Variants in ZC3H12B observed in about 807,000 individuals in gnomAD.
ZC3H12B encodes the protein probable ribonuclease ZC3H12B.
ZC3H12B carries 7 observed loss-of-function variants against 43.9 expected under a neutral mutation model. The observed-to-expected ratio is 0.16, with a 90% confidence interval of 0.09 to 0.30. The LOEUF (loss-of-function observed/expected upper bound fraction) is 0.30. Ranked by LOEUF, ZC3H12B falls within the 10% of genes least tolerant of loss-of-function variation. The pLI is 1.00. For missense variants in ZC3H12B, 475 were observed against 670.2 expected, an observed-to-expected ratio of 0.71 and a Z score of 3.22; for synonymous variants, 222 against 241.7, an observed-to-expected ratio of 0.92 and a Z score of 0.76.
chrX:65,387,094 GT>G (rs1328864622), intron 2 of ZC3H12B, among the ~76,000 whole-genome samples: 84 of 111,929 alleles, frequency 7.5e-4, no homozygotes, highest in African/African-American at 2.4e-3. Flanking sequence ...AATAAGTGCA[GT>G]GTGGTGCTGA....
chrX:65,174,105 C>T, the ZC3H12B span, among the ~76,000 whole-genome samples: 1 of 111,232 alleles, frequency 9.0e-6, no homozygotes, highest in Non-Finnish European at 1.9e-5. Context: ...CCTGCTCCAT[C>T]CTCTGGAATC....
chrX:65,194,691 T>A, the ZC3H12B span, among the ~76,000 whole-genome samples: 1 of 112,192 alleles, frequency 8.9e-6, no homozygotes, highest in African/African-American at 3.2e-5. Context: ...TTAGGTCTTT[T>A]TAGTCGATAG....
At chrX:65,304,224 A>G in the ZC3H12B span, among the ~76,000 whole-genome samples, 517 of 112,174 alleles carry the variant, frequency 4.6e-3, 2 homozygotes, top group Middle Eastern at 9.2e-3. Flanking sequence ...TTACATACAT[A>G]CATATCAATT....
chrX:65,347,326 A>T, the ZC3H12B span, among the ~76,000 whole-genome samples: 1 of 111,666 alleles, frequency 9.0e-6, no homozygotes, highest in Non-Finnish European at 1.9e-5. Context: ...AACCACAAAG[A>T]TGGGGAGAAA....
the ZC3H12B span, among the ~76,000 whole-genome samples, chrX:65,114,863 T>C: frequency 9.3e-6 from 1 of 107,722 alleles, no homozygotes; most frequent in Admixed American, 1.0e-4. Flanking sequence ...TTTTGACTTA[T>C]TCAGTTAGTG....
At chrX:65,096,042 A>G in the ZC3H12B span, among the ~76,000 whole-genome samples, 3 of 111,852 alleles carry the variant, frequency 2.7e-5, no homozygotes, top group Non-Finnish European at 3.8e-5. Context: ...CAAAGCAAGC[A>G]TCAGCACCAT....
At chrX:65,415,648 G>C (rs896660919) in intron 3 of ZC3H12B, among the ~76,000 whole-genome samples, 5 of 111,945 alleles carry the variant, frequency 4.5e-5, no homozygotes, top group Non-Finnish European at 9.4e-5. Flanking sequence ...GCCTGAACTA[G>C]TTTTTCAGGT....
chrX:65,242,857 G>A, the ZC3H12B span, among the ~76,000 whole-genome samples: 4 of 112,123 alleles, frequency 3.6e-5, no homozygotes, highest in South Asian at 3.7e-4. Context: ...TTTGCCAAAG[G>A]TTTCAAGAAC....
At chrX:65,289,039 G>A in the ZC3H12B span, among the ~76,000 whole-genome samples, 1 of 110,221 alleles carries the variant, frequency 9.1e-6, no homozygotes, top group African/African-American at 3.3e-5. Context: ...AATATAGGAG[G>A]TAAAATATCT....
the ZC3H12B span, among the ~76,000 whole-genome samples, chrX:65,161,575 G>A: frequency 9.0e-6 from 1 of 111,345 alleles, no homozygotes; most frequent in Non-Finnish European, 1.9e-5. Flanking sequence ...TCAGAGACTA[G>A]GATTGCAACC....
At chrX:65,234,829 T>G in the ZC3H12B span, among the ~76,000 whole-genome samples, 20,598 of 110,986 alleles carry the variant, frequency 0.19, 1,818 homozygotes, top group Middle Eastern at 0.29. Context: ...AGCTATTTTT[T>G]TCTGATGCTC....
At chrX:65,118,088 A>G in the ZC3H12B span, among the ~76,000 whole-genome samples, 1 of 111,223 alleles carries the variant, frequency 9.0e-6, no homozygotes, top group Admixed American at 9.6e-5. Flanking sequence ...GTTTTTTCCA[A>G]TTCTGCGAAG....
chrX:65,103,379 A>G, the ZC3H12B span, among the ~76,000 whole-genome samples: 1 of 111,897 alleles, frequency 8.9e-6, no homozygotes, highest in South Asian at 3.7e-4. Context: ...TTTCCTGAAC[A>G]TTACTGTTAT....
At chrX:65,224,057 C>G in the ZC3H12B span, among the ~76,000 whole-genome samples, 153 of 112,071 alleles carry the variant, frequency 1.4e-3, no homozygotes, top group African/African-American at 4.8e-3. Context: ...AGACCAAATG[C>G]CCATCAGTCA....
At chrX:65,470,221 T>C (rs756752013) in intron 3 of ZC3H12B, 2 of 120,715 alleles carry the variant, frequency 1.7e-5, no homozygotes, top group African/African-American at 6.6e-5. Flanking sequence ...AAAAAGGAGG[T>C]GGAGGGCCGG....
the ZC3H12B span, among the ~76,000 whole-genome samples, chrX:65,224,691 G>A: frequency 3.6e-5 from 4 of 112,058 alleles, no homozygotes; most frequent in African/African-American, 9.7e-5. Flanking sequence ...CTTTTCCGAC[G>A]GGCTTAAAAA....
the ZC3H12B span, among the ~76,000 whole-genome samples, chrX:65,194,091 T>C: frequency 9.1e-6 from 1 of 110,081 alleles, no homozygotes; most frequent in Non-Finnish European, 1.9e-5. Flanking sequence ...CCCATGATCC[T>C]ATCAACTCCC....
At chrX:65,441,349 T>C (rs778336581) in intron 3 of ZC3H12B, among the ~76,000 whole-genome samples, 117 of 112,392 alleles carry the variant, frequency 1.0e-3, no homozygotes, top group African/African-American at 3.8e-3. Flanking sequence ...CAGCCAGTGC[T>C]GTAGAGAAAT....
At chrX:65,044,898 G>A in the ZC3H12B span, among the ~76,000 whole-genome samples, 1 of 109,153 alleles carries the variant, frequency 9.2e-6, no homozygotes, top group African/African-American at 3.3e-5. Context: ...GGGAGGCTGA[G>A]GTGGGAGGAT....
Sources: gnomAD v4.1 joint callset for allele counts (sites outside exome capture counted in the v4.1 genomes callset) on GRCh38, gnomAD v4.1.1 for gene constraint, MANE v1.5 for transcripts, NCBI Gene and HGNC (gene_info 2026-07-23, HGNC 2026-07-21) for gene names.